Variants in LTBP1 observed in about 807,000 individuals in gnomAD.
LTBP1 encodes the protein latent transforming growth factor beta binding protein 1.
LTBP1 carries 129 observed loss-of-function variants against 207.6 expected under a neutral mutation model. The observed-to-expected ratio is 0.62, with a 90% CI of 0.54 to 0.72. LTBP1 has a LOEUF of 0.72. Ranked by LOEUF, LTBP1 falls within the 30% of genes least tolerant of loss-of-function variation. The pLI is 0.00. For synonymous variants in LTBP1, 963 were observed against 833.7 expected (o/e 1.16, Z -2.67); for missense variants, 2,281 against 2,217.2 (o/e 1.03, Z -0.58).
At chr2:33,321,834 T>C (rs1175984822) in intron 24 of LTBP1, among the ~76,000 whole-genome samples, 2 of 152,130 alleles carry the variant, frequency 1.3e-5, no homozygotes, top group African/African-American at 4.8e-5. Context: ...CAGAATCCAC[T>C]CTCTTCCATG....
At chr2:33,042,228 T>G (rs182616337) in intron 3 of LTBP1, among the ~76,000 whole-genome samples, 1 of 152,368 alleles carries the variant, frequency 6.6e-6, no homozygotes, top group Admixed American at 6.5e-5. Context: ...ATGACTAACT[T>G]TTAACAGAAC....
chr2:33,219,592 A>G (rs529998774), intron 8 of LTBP1, among the ~76,000 whole-genome samples: 1 of 152,100 alleles, frequency 6.6e-6, no homozygotes, highest in East Asian at 1.9e-4. Flanking sequence ...GTCTGTAGGA[A>G]TATTGAGGAG....
At position 32,948,877 on chromosome 2, in the gene LTBP1, T is replaced by G; in HGVS notation, c.497T>G (p.Val166Gly). 6.2e-7 allele frequency: 1 copy of G among 1,614,092 alleles called. No homozygotes were observed. Among genetic ancestry groups the G allele is most frequent in the Middle Eastern group, 1.6e-4 (1 of 6,062 alleles). The change falls in exon 2 of 34, where the codon GTC becomes GGC. Residue 166 changes from valine (V) to glycine (G), a missense_variant and splice_region_variant. Val to Gly is a moderately radical substitution (Grantham distance 109, BLOSUM62 -3). Around this residue, in one of 3 missense-constraint regions of LTBP1, gnomAD observed 555 missense variants for 491.0 expected, o/e 1.13. Transcript: ENST00000404816. Reference protein sequence around the residue: ...QVHQKQQLQGVNVCGGRCCHG... With the variant: ...QVHQKQQLQGGNVCGGRCCHG... The stretch of plus-strand genomic sequence containing the variant: ...TCAGCGATCTTGCTTTGTTTCAGGG[T>G]CAATGTCTGTGGAGGGCGGTGCTGT...
At chr2:33,145,660 G>A (rs1408627747) in intron 5 of LTBP1, among the ~76,000 whole-genome samples, 2 of 152,024 alleles carry the variant, frequency 1.3e-5, no homozygotes, top group Admixed American at 6.6e-5. Context: ...CTGTTTTATT[G>A]GGTGTACACA....
At chr2:33,293,319 A>T in intron 20 of LTBP1, 37 bp downstream of exon 20, 1 of 1,574,932 alleles carries the variant, frequency 6.3e-7, no homozygotes, top group Non-Finnish European at 8.6e-7. Context: ...TTTTATTTAA[A>T]CTTCATTTAA....
intron 7 of LTBP1, among the ~76,000 whole-genome samples, chr2:33,197,630 T>G (rs1558797251): frequency 6.6e-6 from 1 of 152,254 alleles, no homozygotes. Context: ...TCAAAGCTTG[T>G]TTGGCATCTG....
chr2:32,973,199 G>T (rs983816004), intron 2 of LTBP1, among the ~76,000 whole-genome samples: 1 of 152,006 alleles, frequency 6.6e-6, no homozygotes, highest in Non-Finnish European at 1.5e-5. Flanking sequence ...GTCTTTGTTA[G>T]TTTTTTGCCC....
rs1041940011 is a variant in LTBP1, at chr2:33,399,122, T to A, written c.*577T>A. On this transcript the variant is annotated 3_prime_UTR_variant, in exon 34 of 34. Coordinates refer to ENST00000404816, the MANE Select transcript of LTBP1 (RefSeq NM_206943.4). ...AGTGATTTTGTTCCAAAACTTTGTA[T>A]ACACATTTGGAGAAAAGTACTTTAT... 1 of 152,686 alleles carries A rather than the reference T, an allele frequency of 6.5e-6. No homozygotes were observed. Among genetic ancestry groups the A allele is most frequent in the Admixed American group, 6.5e-5 (1 of 15,280 alleles). The allele number at this position is 152,686 out of a possible 1,614,324, so 9.5% of individuals were successfully genotyped here. A position where few individuals can be genotyped will look rare whatever the true frequency, so the allele number is the denominator to read the frequency against.
At chr2:32,949,242 A>G (rs1057509004) in intron 2 of LTBP1, among the ~76,000 whole-genome samples, 16 of 152,228 alleles carry the variant, frequency 1.1e-4, no homozygotes, top group African/African-American at 3.6e-4. Context: ...AAAAATTTCC[A>G]TTTGAGGATA....
chr2:33,282,968 C>A (rs1280647850), intron 19 of LTBP1, among the ~76,000 whole-genome samples: 2 of 146,694 alleles, frequency 1.4e-5, no homozygotes. Flanking sequence ...TAGGCTGAGG[C>A]AGGAGAATCG....
At chr2:33,119,311 A>T (rs1308526096) in intron 4 of LTBP1, among the ~76,000 whole-genome samples, 1 of 152,148 alleles carries the variant, frequency 6.6e-6, no homozygotes, top group African/African-American at 2.4e-5. Context: ...AGTTGATTTT[A>T]CTTCTGGATT....
chr2:33,144,842 T>A (rs2082889836), intron 5 of LTBP1, among the ~76,000 whole-genome samples: 1 of 152,214 alleles, frequency 6.6e-6, no homozygotes, highest in East Asian at 1.9e-4. Context: ...AATATGTATT[T>A]CCAGGTGGAG....
At chr2:32,960,517 C>T (rs900447900) in intron 2 of LTBP1, among the ~76,000 whole-genome samples, 2 of 152,126 alleles carry the variant, frequency 1.3e-5, no homozygotes, top group Non-Finnish European at 2.9e-5. Context: ...TTTTCTTTCT[C>T]CCTGCCAATT....
chr2:33,008,905 C>T (rs965268467), intron 2 of LTBP1, among the ~76,000 whole-genome samples: 9 of 152,172 alleles, frequency 5.9e-5, no homozygotes, highest in Admixed American at 1.3e-4. Context: ...GTGCAAGGCC[C>T]TGTGATGGAA....
chr2:32,994,616 G>A (rs1193911728), intron 2 of LTBP1, among the ~76,000 whole-genome samples: 2 of 151,976 alleles, frequency 1.3e-5, no homozygotes, highest in African/African-American at 4.8e-5. Flanking sequence ...ACAGGCATGT[G>A]CCACCATGCC....
At chr2:33,141,879 T>C (rs1171106948) in intron 5 of LTBP1, among the ~76,000 whole-genome samples, 1 of 152,130 alleles carries the variant, frequency 6.6e-6, no homozygotes, top group Non-Finnish European at 1.5e-5. Context: ...GGAATCAAAT[T>C]AATATCTGCA....
intron 5 of LTBP1, among the ~76,000 whole-genome samples, chr2:33,183,087 C>G (rs1438403709): frequency 6.6e-6 from 1 of 152,046 alleles, no homozygotes; most frequent in East Asian, 1.9e-4. Context: ...CTTTTGTGTA[C>G]TGTCGTACTC....
Position 33,361,501 on chromosome 2 carries a change from G to A in LTBP1, c.4256G>A (p.Gly1419Asp). ...PAGESSSEAG[G>D]ENYKDADECL... ...GGAGAATCATCTTCTGAAGCTGGTG[G>A]TGAGAACTATAAAGGTCAGAATCAA... The change falls in exon 28 of 34, where the codon GGT (glycine) becomes GAT (aspartate). Residue 1419 changes from glycine to aspartate, a missense_variant. By Grantham distance (94) the Gly-to-Asp change is moderately conservative (BLOSUM62 -1). This residue lies in a region of LTBP1 where 1,671 missense variants were observed against 1,634.8 expected (regional missense o/e 1.02). Transcript: ENST00000404816. 1 of 1,613,144 alleles carries A rather than the reference G, an allele frequency of 6.2e-7. No individual in the cohort carries two copies. The highest frequency in any genetic ancestry group is 8.5e-7 in the Non-Finnish European group (1 of 1,179,382).
intron 24 of LTBP1, among the ~76,000 whole-genome samples, chr2:33,324,294 A>G (rs1257944940): frequency 6.7e-6 from 1 of 150,000 alleles, no homozygotes; most frequent in African/African-American, 2.5e-5. Flanking sequence ...TATAATTGTT[A>G]TAATTTTAAT....
Sources: allele counts gnomAD v4.1 joint callset (sites outside exome capture counted in the v4.1 genomes callset), GRCh38; gene constraint gnomAD v4.1.1; regional missense constraint gnomAD v4.1.1; transcripts MANE v1.5; gene names NCBI Gene and HGNC (gene_info 2026-07-23, HGNC 2026-07-21).